The following PLEKHA8 variants were observed in gnomAD, a reference collection of about 807,000 sequenced individuals.
The protein encoded by PLEKHA8 is pleckstrin homology domain-containing family A member 8.
In PLEKHA8, 36 loss-of-function variants were observed where a neutral mutation model predicts 68.2. The ratio of observed to expected loss-of-function variants is 0.53; its 90% CI spans 0.40 to 0.70. PLEKHA8 has a LOEUF of 0.70. Ranked by LOEUF, PLEKHA8 falls within the 30% of genes least tolerant of loss-of-function variation. The pLI, the probability that PLEKHA8 is intolerant of heterozygous loss-of-function variation, is 0.00. For missense variants in PLEKHA8, 505 were observed against 615.4 expected, an observed-to-expected ratio of 0.82 and a Z score of 1.90; for synonymous variants, 211 against 216.1, an observed-to-expected ratio of 0.98 and a Z score of 0.20.
At chr7:30,101,713 G>A (rs1795860729) in intron 13 of PLEKHA8, among the ~76,000 whole-genome samples, 1 of 152,108 alleles carries the variant, frequency 6.6e-6, no homozygotes, top group African/African-American at 2.4e-5. Context: ...TAAAATATGT[G>A]CAAAATCTTT....
At chr7:30,122,050 T>C (rs1796705620) in intron 13 of PLEKHA8, among the ~76,000 whole-genome samples, 1 of 152,224 alleles carries the variant, frequency 6.6e-6, no homozygotes, top group Non-Finnish European at 1.5e-5. Flanking sequence ...TAAAGCACTG[T>C]AAGAGCTATG....
Position 30,028,791 on chromosome 7 carries a change from ACTAT to A in PLEKHA8, c.32_35del (p.Tyr11Ter). On this transcript the variant is annotated frameshift_variant, in exon 1 of 14. Transcript: ENST00000449726. LOFTEE classifies it high-confidence loss of function. Reference sequence around the variant, plus strand: ...GAGGGGGTGCTGTACAAGTGGACCAACTATCTGAGCGGTGAGTGGCCGTGCCGGG... The same window carrying A: ...GAGGGGGTGCTGTACAAGTGGACCAACTGAGCGGTGAGTGGCCGTGCCGGG... 7.9e-7 allele frequency: 1 copy of A among 1,272,108 alleles called. No individual in the cohort carries two copies. Among genetic ancestry groups the A allele is most frequent in the East Asian group, 3.0e-5 (1 of 32,952 alleles). 78.8% of individuals were successfully genotyped at this position (1,272,108 alleles called of 1,614,324 possible).
At chr7:30,061,364 T>C (rs1435132130) in intron 10 of PLEKHA8, among the ~76,000 whole-genome samples, 1 of 152,196 alleles carries the variant, frequency 6.6e-6, no homozygotes, top group East Asian at 1.9e-4. Flanking sequence ...TGTGGGACCA[T>C]CAACAACTCA....
Position 30,083,744 on chromosome 7 carries a change from A to G in PLEKHA8, c.*4957A>G, listed in dbSNP as rs1583450626. On this transcript the variant is annotated 3_prime_UTR_variant, in exon 14 of 14. Coordinates refer to ENST00000449726, the MANE Select transcript of PLEKHA8 (RefSeq NM_001197026.2). ...GTGAACAAATGTTTTCAGCTAAGCTATGTGAGAATGTAAGAATAATATCCT... is the reference window on the plus strand; with the variant it reads ...GTGAACAAATGTTTTCAGCTAAGCTGTGTGAGAATGTAAGAATAATATCCT... 5 of 985,118 alleles carry G rather than the reference A, an allele frequency of 5.1e-6. No homozygotes were observed. Among genetic ancestry groups the G allele is most frequent in the Non-Finnish European group, 6.0e-6 (5 of 829,638 alleles). 61.0% of individuals were successfully genotyped at this position (985,118 alleles called of 1,614,324 possible). A position where few individuals can be genotyped will look rare whatever the true frequency, so the allele number is the denominator to read the frequency against.
chr7:30,096,686 C>T (rs561797422), intron 13 of PLEKHA8, among the ~76,000 whole-genome samples: 16 of 152,226 alleles, frequency 1.1e-4, no homozygotes, highest in African/African-American at 3.9e-4. Flanking sequence ...CTTGGTAGAT[C>T]TTCCTCCATC....
chr7:30,128,903 T>C (rs1388393112), intron 13 of PLEKHA8, among the ~76,000 whole-genome samples: 1 of 152,094 alleles, frequency 6.6e-6, no homozygotes, highest in Non-Finnish European at 1.5e-5. Context: ...CAGGCTCTTT[T>C]TAACAACCAG....
intron 13 of PLEKHA8, chr7:30,116,028 A>G (rs998618797): frequency 1.3e-5 from 2 of 149,312 alleles, no homozygotes; most frequent in African/African-American, 2.5e-5. Context: ...ACATACGTAT[A>G]CATACATGTG....
At chr7:30,034,492 T>C (rs1327576624) in intron 1 of PLEKHA8, among the ~76,000 whole-genome samples, 1 of 152,176 alleles carries the variant, frequency 6.6e-6, no homozygotes, top group Admixed American at 6.5e-5. Context: ...TGAATAACTT[T>C]AACAATTAAC....
At position 30,074,232 on chromosome 7, in the gene PLEKHA8, T is replaced by C. The variant is rs1463751365; in HGVS notation, c.1362+100T>C. The C allele has an allele frequency of 1.1e-5, 11 of 1,006,534 alleles. No homozygotes were observed. In the East Asian group the frequency reaches 2.5e-4, roughly 23 times the overall value. The allele number at this position is 1,006,534 out of a possible 1,614,324, so 62.4% of individuals were successfully genotyped here. ...ACCCAGTTATTTATCTAGTCATGAT[T>C]GTCAGAAACAAAGTTGTGTGTGTGT... On this transcript the variant is annotated intron_variant, in intron 13 of 13. Transcript: ENST00000449726.
chr7:30,117,000 G>A (rs1796590153), intron 13 of PLEKHA8, among the ~76,000 whole-genome samples: 1 of 152,198 alleles, frequency 6.6e-6, no homozygotes, highest in Non-Finnish European at 1.5e-5. Flanking sequence ...GTTTCACTTG[G>A]TCTTGCAAAT....
rs755362074 is a variant in PLEKHA8, at chr7:30,078,632, G to C, written c.1405G>C (p.Ala469Pro). The C allele has an allele frequency of 6.2e-7, 1 of 1,613,818 alleles. No homozygotes were observed. Among genetic ancestry groups the C allele is most frequent in the Admixed American group, 1.7e-5 (1 of 59,946 alleles). ...AAPSYEDFVA[A>P]LTVKEGDHQK... ...TCCATCCTATGAAGATTTTGTGGCC[G>C]CGTTAACCGTAAAGGAAGGTGACCA... The change falls in exon 14 of 14, where the codon GCG becomes CCG. Residue 469 changes from alanine to proline, a missense_variant. Physicochemically the swap from Ala to Pro is conservative, Grantham distance 27. Coordinates refer to ENST00000449726, the MANE Select transcript of PLEKHA8 (RefSeq NM_001197026.2).
intron 1 of PLEKHA8, among the ~76,000 whole-genome samples, chr7:30,036,405 A>G (rs1207924320): frequency 7.3e-6 from 1 of 137,290 alleles, no homozygotes; most frequent in Admixed American, 7.8e-5. Flanking sequence ...AGGATAGGAT[A>G]GAATAGATAG....
intron 6 of PLEKHA8, 119 bp from the exon 7 acceptor site, chr7:30,052,590 T>A: frequency 1.3e-6 from 1 of 794,130 alleles, no homozygotes. Flanking sequence ...CAGTGAGCTG[T>A]GATTGTGCCA....
chr7:30,116,103 C>A (rs1015545276), intron 13 of PLEKHA8: 1 of 150,340 alleles, frequency 6.7e-6, no homozygotes, highest in African/African-American at 2.5e-5. Flanking sequence ...CGTATACATA[C>A]GCATACATAC....
At chr7:30,051,398 T>G (rs1056771618) in intron 6 of PLEKHA8, among the ~76,000 whole-genome samples, 2 of 150,082 alleles carry the variant, frequency 1.3e-5, no homozygotes, top group African/African-American at 2.4e-5. Flanking sequence ...GAAATATGGT[T>G]TTTTTTTTTT....
intron 1 of PLEKHA8, among the ~76,000 whole-genome samples, chr7:30,029,864 A>G (rs1210714791): frequency 1.3e-5 from 2 of 152,252 alleles, no homozygotes; most frequent in Non-Finnish European, 2.9e-5. Context: ...CGAGGAGGTC[A>G]CACAGCACAG....
intron 13 of PLEKHA8, among the ~76,000 whole-genome samples, chr7:30,126,085 T>A (rs1796767358): frequency 6.7e-6 from 1 of 149,316 alleles, no homozygotes; most frequent in Admixed American, 6.6e-5. Context: ...ATCTACAGAT[T>A]TTTTTTTTTC....
chr7:30,084,969 C>T (rs1384103016), downstream of PLEKHA8, among the ~76,000 whole-genome samples: 1 of 148,392 alleles, frequency 6.7e-6, no homozygotes, highest in African/African-American at 2.5e-5. Context: ...TTTTTTGAGG[C>T]AGTCTTGCTC....
intron 11 of PLEKHA8, 48 bp from the exon 12 acceptor site, chr7:30,062,624 A>G (rs750368242): frequency 1.4e-6 from 2 of 1,413,432 alleles, no homozygotes; most frequent in South Asian, 1.2e-5. Context: ...TACCCACTCA[A>G]CATAAGTGAA....
Sources: gnomAD v4.1 joint callset for allele counts (sites outside exome capture counted in the v4.1 genomes callset) on GRCh38, gnomAD v4.1.1 for gene constraint, MANE v1.5 for transcripts, NCBI Gene and HGNC (gene_info 2026-07-23, HGNC 2026-07-21) for gene names.